Variants in NCKAP5 observed in about 807,000 individuals in gnomAD.
NCKAP5 encodes NCK associated protein 5.
NCKAP5 carries 92 observed loss-of-function variants against 167.0 expected under a neutral mutation model. The observed-to-expected ratio is 0.55, with a 90% confidence interval of 0.47 to 0.66. NCKAP5 has a LOEUF of 0.66. Among genes scored for constraint, NCKAP5 ranks in the 30% least tolerant of loss-of-function variants. NCKAP5 has a pLI of 0.00. For synonymous variants in NCKAP5, 891 were observed against 877.4 expected (o/e 1.02, Z -0.27); for missense variants, 2,378 against 2,315.0 (o/e 1.03, Z -0.56).
chr2:132,861,708 G>A (rs1172062179), intron 10 of NCKAP5, among the ~76,000 whole-genome samples: 2 of 151,906 alleles, frequency 1.3e-5, no homozygotes, highest in Non-Finnish European at 2.9e-5. Flanking sequence ...CTTTTACCTG[G>A]CATCCCTCAA....
chr2:133,080,852 A>G, intron 6 of NCKAP5, among the ~76,000 whole-genome samples: 1 of 152,174 alleles, frequency 6.6e-6, no homozygotes, highest in Non-Finnish European at 1.5e-5. Context: ...GATTTCAGAG[A>G]CAGGAGGGAA....
At chr2:132,996,777 A>G (rs1333418448) in intron 6 of NCKAP5, among the ~76,000 whole-genome samples, 1 of 152,192 alleles carries the variant, frequency 6.6e-6, no homozygotes, top group Non-Finnish European at 1.5e-5. Flanking sequence ...CATTTTTTAA[A>G]GTGTGAAGTA....
rs78876360 is a variant in NCKAP5, at chr2:133,453,336, A to C, written c.69+64122T>G. Among the ~76,000 whole-genome samples, 700 of 152,270 alleles carry C rather than the reference A, an allele frequency of 4.6e-3. 10 individuals are homozygous for C. Among genetic ancestry groups the C allele is most frequent in the Admixed American group, 0.034 (517 of 15,276 alleles). ...CTAGAATCCTCCATCTCCTTAATGC[A>C]ACCAATAGTTTTAGACAGAACTGCA... On this transcript the variant is annotated intron_variant, in intron 3 of 19. Coordinates refer to ENST00000409261, the MANE Select transcript of NCKAP5 (RefSeq NM_207363.3).
At chr2:133,059,197 G>A (rs1264422689) in intron 6 of NCKAP5, among the ~76,000 whole-genome samples, 2 of 152,086 alleles carry the variant, frequency 1.3e-5, no homozygotes, top group Non-Finnish European at 2.9e-5. Flanking sequence ...CTACTCAGGA[G>A]GCTGAGGCAG....
intron 4 of NCKAP5, among the ~76,000 whole-genome samples, chr2:133,266,680 C>T (rs911097586): frequency 1.1e-4 from 16 of 152,280 alleles, no homozygotes; most frequent in Non-Finnish European, 1.6e-4. Context: ...CTGGGCCACG[C>T]GCTCACCGCA....
At chr2:133,423,990 G>A (rs1264396893) in intron 3 of NCKAP5, among the ~76,000 whole-genome samples, 1 of 152,168 alleles carries the variant, frequency 6.6e-6, no homozygotes, top group Non-Finnish European at 1.5e-5. Flanking sequence ...ATTCATCCAA[G>A]TTAGAAAGCA....
chr2:133,200,857 T>C (rs949332093), intron 5 of NCKAP5, among the ~76,000 whole-genome samples: 1 of 152,114 alleles, frequency 6.6e-6, no homozygotes, highest in African/African-American at 2.4e-5. Context: ...TAAAGAAACA[T>C]ACCACTCAGC....
chr2:132,877,493 G>C (rs553921704), intron 9 of NCKAP5, among the ~76,000 whole-genome samples: 1 of 152,174 alleles, frequency 6.6e-6, no homozygotes, highest in Non-Finnish European at 1.5e-5. Context: ...ATAGGTCGCT[G>C]AGCCCTACCC....
chr2:133,393,986 T>G (rs1443130670), intron 3 of NCKAP5, among the ~76,000 whole-genome samples: 1 of 152,208 alleles, frequency 6.6e-6, no homozygotes, highest in Non-Finnish European at 1.5e-5. Context: ...TGGGCCCCAT[T>G]TGCATATTCT....
chr2:132,795,820 G>GAAAAAAAAAAAAAAA (rs55826486), intron 12 of NCKAP5, among the ~76,000 whole-genome samples: 5 of 84,998 alleles, frequency 5.9e-5, no homozygotes, highest in East Asian at 3.2e-4. Context: ...CCCCGTATCA[G>GAAAAAAAAAAAAAAA]AAAAAAAAAA....
chr2:132,773,248 G>A (rs1177843108), intron 16 of NCKAP5, among the ~76,000 whole-genome samples: 1 of 152,180 alleles, frequency 6.6e-6, no homozygotes. Context: ...CCAAGCTGCT[G>A]TAAAGAGGTC....
chr2:133,234,612 T>C (rs1423382820), intron 4 of NCKAP5, among the ~76,000 whole-genome samples: 1 of 152,102 alleles, frequency 6.6e-6, no homozygotes, highest in African/African-American at 2.4e-5. Context: ...TATAAAACTG[T>C]TCGCAGATTT....
intron 16 of NCKAP5, among the ~76,000 whole-genome samples, chr2:132,761,421 T>A (rs1187158057): frequency 6.6e-6 from 1 of 152,252 alleles, no homozygotes; most frequent in Non-Finnish European, 1.5e-5. Context: ...CACTAGAGAC[T>A]AGCGCATGCC....
chr2:133,387,710 G>T (rs1054089582), intron 3 of NCKAP5, among the ~76,000 whole-genome samples: 1 of 152,018 alleles, frequency 6.6e-6, no homozygotes, highest in Non-Finnish European at 1.5e-5. Context: ...CTTTTCAAAT[G>T]GTCCCATATT....
chr2:132,960,511 T>C (rs1019368490), intron 8 of NCKAP5, among the ~76,000 whole-genome samples: 1 of 152,130 alleles, frequency 6.6e-6, no homozygotes, highest in Non-Finnish European at 1.5e-5. Flanking sequence ...CATGACCCCA[T>C]ATCCTTCCTA....
Position 132,783,631 on chromosome 2 carries a change from G to T in NCKAP5, c.3180C>A (p.Asp1060Glu), listed in dbSNP as rs1233130776. The change falls in exon 14 of 20, where the codon GAC becomes GAA. Residue 1060 changes from aspartate to glutamate, a missense_variant. By Grantham distance (45) the Asp-to-Glu change is conservative. Transcript: ENST00000409261. The part of the protein sequence containing the change: ...PRQTLGTPQR[D>E]IGLQTPRISP... ...AGATCCTGGGAGTCTGTAATCCTAT[G>T]TCCCTTTGTGGGGTCCCAAGTGTTT... 1.9e-6 allele frequency: 3 copies of T among 1,613,924 alleles called. No homozygotes were observed. Among genetic ancestry groups the T allele is most frequent in the Middle Eastern group, 1.6e-4 (1 of 6,062 alleles).
At chr2:132,966,546 A>G (rs540952075) in intron 7 of NCKAP5, among the ~76,000 whole-genome samples, 1 of 152,338 alleles carries the variant, frequency 6.6e-6, no homozygotes, top group African/African-American at 2.4e-5. Context: ...ATTTTCATGA[A>G]CAGTACACCA....
intron 3 of NCKAP5, among the ~76,000 whole-genome samples, chr2:133,344,714 G>A (rs1683844171): frequency 6.6e-6 from 1 of 152,120 alleles, no homozygotes; most frequent in Non-Finnish European, 1.5e-5. Flanking sequence ...GGGTAACTGA[G>A]GAGTCAAAGG....
At chr2:133,637,356 A>G in the NCKAP5 span, among the ~76,000 whole-genome samples, 2 of 151,816 alleles carry the variant, frequency 1.3e-5, no homozygotes, top group Non-Finnish European at 2.9e-5. Context: ...AACTCTCAGC[A>G]GTCAAATACA....
Sources: allele counts gnomAD v4.1 joint callset (sites outside exome capture counted in the v4.1 genomes callset), GRCh38; gene constraint gnomAD v4.1.1; transcripts MANE v1.5; gene names NCBI Gene and HGNC (gene_info 2026-07-23, HGNC 2026-07-21).